HTR4: variants seen among roughly 807,000 people sequenced by gnomAD.
HTR4 encodes the protein 5-hydroxytryptamine (serotonin) receptor 4, G protein-coupled.
Under a neutral mutation model 36.8 loss-of-function variants are expected in HTR4, and 16 were observed. That is an observed-to-expected ratio of 0.43 (90% CI 0.29 to 0.66). The LOEUF (loss-of-function observed/expected upper bound fraction) is 0.66. HTR4 is among the 30% of genes least tolerant of loss of function. The pLI, the probability that HTR4 is intolerant of heterozygous loss-of-function variation, is 0.13. For missense variants in HTR4, 438 were observed against 490.9 expected (o/e 0.89, Z 1.02); for synonymous variants, 189 against 185.1 (o/e 1.02, Z -0.17).
intron 5 of HTR4, among the ~76,000 whole-genome samples, chr5:148,458,546 G>A (rs1303222800): frequency 6.6e-6 from 1 of 152,102 alleles, no homozygotes; most frequent in Admixed American, 6.5e-5. Context: ...ATGTCAGAGG[G>A]GGGATGAGAT....
At chr5:148,456,363 C>A (rs956368751) in intron 5 of HTR4, among the ~76,000 whole-genome samples, 1 of 152,200 alleles carries the variant, frequency 6.6e-6, no homozygotes, top group Non-Finnish European at 1.5e-5. Context: ...ACCGCTGTTG[C>A]TGGCTAACTT....
chr5:148,524,947 G>A (rs1027064210), intron 4 of HTR4, among the ~76,000 whole-genome samples: 2 of 152,138 alleles, frequency 1.3e-5, no homozygotes, highest in African/African-American at 4.8e-5. Context: ...AGCAGGGAGA[G>A]GAGAAATACC....
intron 2 of HTR4, among the ~76,000 whole-genome samples, chr5:148,551,801 G>T (rs1759707285): frequency 6.6e-6 from 1 of 152,096 alleles, no homozygotes; most frequent in South Asian, 2.1e-4. Context: ...TTTATAAATT[G>T]GGTTGGGCTG....
intron 5 of HTR4, among the ~76,000 whole-genome samples, chr5:148,466,145 G>A (rs1755421472): frequency 6.6e-6 from 1 of 152,176 alleles, no homozygotes; most frequent in African/African-American, 2.4e-5. Flanking sequence ...GCACACTTAA[G>A]TTAGTGTTTC....
At chr5:148,577,835 GAGGGAGGAGAGC>G (rs1207258658) in intron 2 of HTR4, among the ~76,000 whole-genome samples, 3 of 151,982 alleles carry the variant, frequency 2.0e-5, no homozygotes, top group African/African-American at 7.2e-5. Context: ...AGGGTGAGAG[GAGGGAGGAGAGC>G]AGAAAAGATA....
At chr5:148,641,154 A>G (rs917099926) in intron 1 of HTR4, among the ~76,000 whole-genome samples, 20 of 152,342 alleles carry the variant, frequency 1.3e-4, no homozygotes, top group African/African-American at 4.6e-4. Context: ...GGAAGGAACC[A>G]GTGCTTTTAT....
intron 1 of HTR4, among the ~76,000 whole-genome samples, chr5:148,637,757 A>G (rs1753596667): frequency 6.6e-6 from 1 of 152,112 alleles, no homozygotes; most frequent in Non-Finnish European, 1.5e-5. Context: ...GATCTCCACA[A>G]AATCAACCCT....
intron 2 of HTR4, among the ~76,000 whole-genome samples, chr5:148,566,741 T>G (rs1760457100): frequency 6.6e-6 from 1 of 152,116 alleles, no homozygotes; most frequent in Non-Finnish European, 1.5e-5. Flanking sequence ...AACATATATA[T>G]GTACAGGTAA....
At chr5:148,531,915 T>C (rs148307054) in intron 4 of HTR4, among the ~76,000 whole-genome samples, 173 of 152,218 alleles carry the variant, frequency 1.1e-3, no homozygotes, top group African/African-American at 3.9e-3. Context: ...GGAGACTTTG[T>C]TGTTGTTGTC....
intron 2 of HTR4, among the ~76,000 whole-genome samples, chr5:148,604,582 G>C (rs1228537587): frequency 1.3e-5 from 2 of 152,164 alleles, no homozygotes; most frequent in Non-Finnish European, 2.9e-5. Flanking sequence ...CAGTGTAAGA[G>C]TGTAAAAATC....
At chr5:148,487,338 A>G (rs958660688) in intron 6 of HTR4, among the ~76,000 whole-genome samples, 3 of 152,144 alleles carry the variant, frequency 2.0e-5, no homozygotes, top group African/African-American at 7.2e-5. Context: ...ATTAGCAGTT[A>G]ATGAAACAGA....
intron 2 of HTR4, among the ~76,000 whole-genome samples, chr5:148,603,396 C>A (rs1389191842): frequency 1.3e-5 from 2 of 151,932 alleles, no homozygotes; most frequent in Non-Finnish European, 2.9e-5. Context: ...TCCCAAAGAA[C>A]ACCTTATAAA....
intron 2 of HTR4, among the ~76,000 whole-genome samples, chr5:148,600,817 C>T (rs1390615320): frequency 6.6e-6 from 1 of 151,030 alleles, no homozygotes; most frequent in African/African-American, 2.4e-5. Context: ...CAAAAATGAA[C>T]AAGTGGCATT....
chr5:148,525,106 A>G (rs1442951326), intron 4 of HTR4, among the ~76,000 whole-genome samples: 1 of 152,180 alleles, frequency 6.6e-6, no homozygotes, highest in African/African-American at 2.4e-5. Flanking sequence ...CCGAAAAACC[A>G]TTGTCTCCAT....
chr5:148,478,183 A>G (rs1755760563), downstream of HTR4, among the ~76,000 whole-genome samples: 1 of 152,214 alleles, frequency 6.6e-6, no homozygotes, highest in Non-Finnish European at 1.5e-5. Context: ...TGCTGTTGAG[A>G]GAATTAAACT....
At chr5:148,546,192 T>A (rs1759375711) in intron 4 of HTR4, among the ~76,000 whole-genome samples, 1 of 152,164 alleles carries the variant, frequency 6.6e-6, no homozygotes, top group Non-Finnish European at 1.5e-5. Flanking sequence ...ATGAGTTGTA[T>A]GGCTAGTTAC....
chr5:148,540,098 T>A (rs1759030508), intron 4 of HTR4, among the ~76,000 whole-genome samples: 1 of 152,034 alleles, frequency 6.6e-6, no homozygotes, highest in African/African-American at 2.4e-5. Context: ...TAGGCCATTA[T>A]CCTCAGGAAA....
At chr5:148,603,756 G>C (rs1014975724) in intron 2 of HTR4, among the ~76,000 whole-genome samples, 7 of 151,724 alleles carry the variant, frequency 4.6e-5, no homozygotes, top group South Asian at 4.2e-4. Context: ...TAAATTGAAA[G>C]TGATGCCATT....
chr5:148,547,821 C>G (rs1759467132), intron 4 of HTR4, among the ~76,000 whole-genome samples: 1 of 152,130 alleles, frequency 6.6e-6, no homozygotes, highest in South Asian at 2.1e-4. Context: ...TTGCTCAAGA[C>G]ACAGTAAGAA....
Sources: gnomAD v4.1 joint callset for allele counts (sites outside exome capture counted in the v4.1 genomes callset) on GRCh38, gnomAD v4.1.1 for gene constraint, MANE v1.5 for transcripts, NCBI Gene and HGNC (gene_info 2026-07-23, HGNC 2026-07-21) for gene names.